Variants in DACH2 observed in about 807,000 individuals in gnomAD.
DACH2 encodes dachshund family transcription factor 2.
In DACH2, 17 loss-of-function variants were observed where a neutral mutation model predicts 35.8. The observed-to-expected ratio is 0.48, with a 90% confidence interval of 0.33 to 0.71. DACH2 has a LOEUF of 0.71. Among genes scored for constraint, DACH2 ranks in the 30% least tolerant of loss-of-function variants. DACH2 has a pLI of 0.02. For synonymous variants in DACH2, 195 were observed against 177.3 expected (o/e 1.10, Z -0.79); for missense variants, 469 against 472.7 (o/e 0.99, Z 0.07).
intron 1 of DACH2, among the ~76,000 whole-genome samples, chrX:86,307,017 C>T (rs184284480): frequency 2.9e-3 from 319 of 111,521 alleles, no homozygotes; most frequent in Admixed American, 4.0e-3. Context: ...TAGATAGTTA[C>T]GCAAAATAAA....
chrX:86,694,824 T>C (rs2041048241), intron 4 of DACH2, among the ~76,000 whole-genome samples, 197 bp from the exon 5 acceptor site: 1 of 111,869 alleles, frequency 8.9e-6, no homozygotes, highest in African/African-American at 3.3e-5. Context: ...TTATTGAGAA[T>C]GATTTGGCCT....
At chrX:86,643,229 A>C (rs2148400096) in intron 3 of DACH2, among the ~76,000 whole-genome samples, 1 of 107,971 alleles carries the variant, frequency 9.3e-6, no homozygotes, top group African/African-American at 3.4e-5. Context: ...AGACTAATTA[A>C]GAAAGAAAGA....
intron 6 of DACH2, among the ~76,000 whole-genome samples, chrX:86,716,198 C>A (rs1460913362): frequency 9.0e-6 from 1 of 111,215 alleles, no homozygotes; most frequent in Non-Finnish European, 1.9e-5. Context: ...AAAAATAAAG[C>A]CTGTGGTTGA....
intron 2 of DACH2, among the ~76,000 whole-genome samples, chrX:86,411,652 G>A (rs1391558366): frequency 1.8e-5 from 2 of 111,621 alleles, no homozygotes; most frequent in Admixed American, 9.5e-5. Context: ...CATGATAAAT[G>A]AAAATGAAAT....
chrX:86,605,745 CT>C (rs1377761201), intron 3 of DACH2, among the ~76,000 whole-genome samples: 8 of 107,205 alleles, frequency 7.5e-5, no homozygotes, highest in Admixed American at 5.0e-4. Context: ...TTCTTGGATG[CT>C]TTTTTTTTCC....
At chrX:86,704,241 A>G (rs781718982) in intron 5 of DACH2, among the ~76,000 whole-genome samples, 5 of 111,682 alleles carry the variant, frequency 4.5e-5, no homozygotes, top group Non-Finnish European at 9.4e-5. Flanking sequence ...TTGGATAACC[A>G]TGTGTAGAAG....
rs776077441 is a variant in DACH2, at chrX:86,228,451, GA to G, written c.488+79355del. On this transcript the variant is annotated intron_variant, in intron 1 of 11. Transcript: ENST00000373125. The stretch of plus-strand genomic sequence containing the variant: ...GACTTCTTTTCCTCTGGGTAAAGAG[GA>G]AAAAAAAAAAAGAAAAAAGAAAACC... Among the ~76,000 whole-genome samples the G allele has an allele frequency of 8.5e-3, 794 of 92,994 alleles. 3 individuals carry two copies. The highest frequency in any genetic ancestry group is 0.027 in the African/African-American group (607 of 22,698). 80.8% of individuals were successfully genotyped at this position (92,994 alleles called of 115,157 possible). A position where few individuals can be genotyped will look rare whatever the true frequency, so the allele number is the denominator to read the frequency against.
intron 3 of DACH2, among the ~76,000 whole-genome samples, chrX:86,576,521 C>G (rs767045908): frequency 9.0e-6 from 1 of 111,305 alleles, no homozygotes; most frequent in Non-Finnish European, 1.9e-5. Context: ...ACGATTATTT[C>G]CAGTCTAGCC....
At chrX:86,700,879 G>T (rs2041134661) in intron 5 of DACH2, among the ~76,000 whole-genome samples, 1 of 111,358 alleles carries the variant, frequency 9.0e-6, no homozygotes, top group African/African-American at 3.3e-5. Flanking sequence ...AACAAGAAAA[G>T]CCAGGGACTA....
At chrX:86,780,135 A>C (rs1324679221) in intron 7 of DACH2, among the ~76,000 whole-genome samples, 1 of 103,441 alleles carries the variant, frequency 9.7e-6, no homozygotes, top group African/African-American at 3.5e-5. Context: ...TTACGCCACA[A>C]TGAACTTCTC....
chrX:86,254,807 T>TATATAGAGAGAGAGAG (rs1380613474), intron 1 of DACH2, among the ~76,000 whole-genome samples: 4 of 49,658 alleles, frequency 8.1e-5, no homozygotes, highest in African/African-American at 4.7e-4. Flanking sequence ...TATATATATA[T>TATATAGAGAGAGAGAG]AGAGAGAGAG....
chrX:86,722,148 C>T (rs2041413544), intron 6 of DACH2, among the ~76,000 whole-genome samples: 1 of 111,725 alleles, frequency 9.0e-6, no homozygotes, highest in Non-Finnish European at 1.9e-5. Flanking sequence ...TTTCTCCAGT[C>T]AGTATGATAC....
intron 7 of DACH2, among the ~76,000 whole-genome samples, chrX:86,754,293 A>G (rs932865952): frequency 9.0e-6 from 1 of 111,161 alleles, no homozygotes; most frequent in Non-Finnish European, 1.9e-5. Context: ...TGTAGTACAG[A>G]CAGACAAGGT....
intron 3 of DACH2, among the ~76,000 whole-genome samples, chrX:86,618,875 TG>T (rs2040037825): frequency 8.9e-6 from 1 of 111,997 alleles, no homozygotes; most frequent in African/African-American, 3.2e-5. Flanking sequence ...AATTTATACT[TG>T]CTTATTTATA....
intron 4 of DACH2, among the ~76,000 whole-genome samples, chrX:86,684,736 T>A (rs2040922267): frequency 9.0e-6 from 1 of 110,499 alleles, no homozygotes; most frequent in African/African-American, 3.3e-5. Context: ...AATTTTCTGA[T>A]TGATTATGAA....
intron 3 of DACH2, among the ~76,000 whole-genome samples, chrX:86,572,059 CAG>C (rs1366530525): frequency 9.0e-6 from 1 of 110,805 alleles, no homozygotes; most frequent in Non-Finnish European, 1.9e-5. Context: ...CACTTGGACA[CAG>C]AAAGCGGAAC....
chrX:86,208,641 G>T lies in DACH2; in HGVS notation c.488+59533G>T, dbSNP rs980626899. On this transcript the variant is annotated intron_variant, in intron 1 of 11. Coordinates refer to ENST00000373125, the MANE Select transcript of DACH2 (RefSeq NM_053281.3). ...ATAGTGTCCTTTTTTCTACTATGTA[G>T]TTCAAGAATTTTGCGTGTATCTTTC... Among the ~76,000 whole-genome samples, 7 of 111,474 alleles carry T rather than the reference G, an allele frequency of 6.3e-5. No homozygotes were observed. The East Asian group carries it at 2.0e-3, about 31-fold the overall frequency.
chrX:86,176,701 T>A (rs973570236), intron 1 of DACH2, among the ~76,000 whole-genome samples: 7 of 112,212 alleles, frequency 6.2e-5, no homozygotes, highest in Non-Finnish European at 1.1e-4. Flanking sequence ...GGTTTGAATA[T>A]TTATGCTAAT....
intron 1 of DACH2, among the ~76,000 whole-genome samples, chrX:86,270,508 C>T (rs2033797382): frequency 1.8e-5 from 2 of 111,200 alleles, no homozygotes; most frequent in South Asian, 7.5e-4. Context: ...ATTTCAGCAC[C>T]TCTAGAAGTC....
Sources: gnomAD v4.1 joint callset for allele counts (sites outside exome capture counted in the v4.1 genomes callset) on GRCh38, gnomAD v4.1.1 for gene constraint, MANE v1.5 for transcripts, NCBI Gene and HGNC (gene_info 2026-07-23, HGNC 2026-07-21) for gene names.